The following UGT2A1 variants were observed in gnomAD, a reference collection of about 807,000 sequenced individuals.
UGT2A1 encodes UDP glucuronosyltransferase family 2 member A1 complex locus.
Under a neutral mutation model 45.4 loss-of-function variants are expected in UGT2A1, and 61 were observed. The ratio of observed to expected loss-of-function variants is 1.34; its 90% CI spans 1.09 to 1.66. The LOEUF is 1.66. Ranked by LOEUF, UGT2A1 falls within the 40% of genes most tolerant of loss-of-function variation. UGT2A1 has a pLI of 0.00. For synonymous variants in UGT2A1, 229 were observed against 196.2 expected, an observed-to-expected ratio of 1.17 and a Z score of -1.40; for missense variants, 649 against 574.3, an observed-to-expected ratio of 1.13 and a Z score of -1.33.
At chr4:69,632,211 G>A (rs904385416) in intron 3 of UGT2A1, among the ~76,000 whole-genome samples, 4 of 152,090 alleles carry the variant, frequency 2.6e-5, no homozygotes, top group African/African-American at 9.7e-5. Flanking sequence ...AAATATAACA[G>A]AAATTACAAA....
chr4:69,611,185 A>T (rs370883476), intron 3 of UGT2A1, among the ~76,000 whole-genome samples: 1 of 151,486 alleles, frequency 6.6e-6, no homozygotes, highest in African/African-American at 2.4e-5. Flanking sequence ...TTGCTCTGTC[A>T]CTCAAGCTGG....
intron 3 of UGT2A1, among the ~76,000 whole-genome samples, chr4:69,633,209 T>C (rs1025342279): frequency 6.6e-6 from 1 of 152,068 alleles, no homozygotes; most frequent in African/African-American, 2.4e-5. Flanking sequence ...ATGAAAGAAA[T>C]CATACTGTAC....
rs76144274 is a variant in UGT2A1 at position 69,612,498 on chromosome 4, G to T, written c.848-13104C>A. 1.2e-4 allele frequency among the ~76,000 whole-genome samples: 18 copies of T among 151,856 alleles called. No individual in the cohort carries two copies. In the East Asian group the frequency reaches 3.5e-3, roughly 29 times the overall value. On this transcript the variant is annotated intron_variant, in intron 3 of 6. Coordinates refer to ENST00000286604, the MANE Select transcript of UGT2A1 (RefSeq NM_001252275.3). ...CCCAACTTCAAACTATAAGACTACA[G>T]TAATTTAAAAAGCATGGTACCAGTT...
chr4:69,650,291 G>A (rs1025402247), intron 1 of UGT2A1, among the ~76,000 whole-genome samples: 4 of 152,116 alleles, frequency 2.6e-5, no homozygotes, highest in African/African-American at 4.8e-5. Flanking sequence ...CTAGGTAGAA[G>A]AGGAATCCAG....
chr4:69,622,217 G>C (rs1553906209), intron 3 of UGT2A1, among the ~76,000 whole-genome samples: 1 of 151,354 alleles, frequency 6.6e-6, no homozygotes, highest in African/African-American at 2.4e-5. Context: ...AAGAGAAATT[G>C]AAAGAAAAAA....
At chr4:69,604,925 T>C (rs1719515720) in intron 3 of UGT2A1, among the ~76,000 whole-genome samples, 1 of 136,134 alleles carries the variant, frequency 7.3e-6, no homozygotes, top group African/African-American at 3.0e-5. Flanking sequence ...ATAAAGCAAG[T>C]CCTTAGAGAC....
In UGT2A1 at chr4:69,647,355, T is replaced by A; in HGVS notation, c.290A>T (p.Asn97Ile). 6.2e-7 allele frequency: 1 copy of A among 1,613,304 alleles called. No individual in the cohort carries two copies. Among genetic ancestry groups the A allele is most frequent in the Non-Finnish European group, 8.5e-7 (1 of 1,179,516 alleles). The change falls in exon 2 of 7, where the codon AAT becomes ATT. Residue 97 changes from asparagine to isoleucine, a missense_variant. Coordinates refer to ENST00000286604, the MANE Select transcript of UGT2A1 (RefSeq NM_001252275.3). Reference protein sequence around the residue: ...IKDFVLTWLENRPSPSTIWRF... With the variant: ...IKDFVLTWLEIRPSPSTIWRF... ...CCAAATGGTTGAAGGAGATGGTCTA[T>A]TTTCCAGCCATGTCAAAACGAAGTC...
At chr4:69,650,651 A>G (rs1350438646) in intron 1 of UGT2A1, among the ~76,000 whole-genome samples, 2 of 152,128 alleles carry the variant, frequency 1.3e-5, no homozygotes, top group East Asian at 3.8e-4. Flanking sequence ...AGAAAACTAT[A>G]TATTTAAATA....
intron 3 of UGT2A1, among the ~76,000 whole-genome samples, chr4:69,613,646 C>A (rs1383735043): frequency 6.6e-6 from 1 of 151,914 alleles, no homozygotes; most frequent in Non-Finnish European, 1.5e-5. Flanking sequence ...TGTGATTTAT[C>A]TCATGGATGC....
At chr4:69,647,720 G>C (rs1288552772) in intron 1 of UGT2A1, 22 bp from the exon 2 acceptor site, 2 of 1,096,526 alleles carry the variant, frequency 1.8e-6, no homozygotes, top group Non-Finnish European at 1.3e-6. Flanking sequence ...AAAAAGGAAA[G>C]ACAAAATTAT....
Position 69,596,489 on chromosome 4 carries a change from T to A in UGT2A1, c.997-1240A>T. 5 of 1,324,158 alleles carry A rather than the reference T, an allele frequency of 3.8e-6. No individual in the cohort carries two copies. The South Asian group carries it at 8.6e-5, about 23-fold the overall frequency. The allele number at this position is 1,324,158 out of a possible 1,614,324, so 82.0% of individuals were successfully genotyped here. On this transcript the variant is annotated intron_variant, in intron 4 of 6. Coordinates refer to ENST00000286604, the MANE Select transcript of UGT2A1 (RefSeq NM_001252275.3). ...ATTAAGATATATGTCAGAGAAACTG[T>A]TGAACTGTCTGTCTTCTGACATGTA...
intron 3 of UGT2A1, among the ~76,000 whole-genome samples, chr4:69,634,221 A>G (rs964850510): frequency 1.3e-4 from 20 of 151,704 alleles, no homozygotes; most frequent in Non-Finnish European, 2.1e-4. Flanking sequence ...CTCCAGCCTG[A>G]GCGACAGAGC....
intron 1 of UGT2A1, among the ~76,000 whole-genome samples, chr4:69,650,633 C>T (rs1722476402): frequency 1.3e-5 from 2 of 151,144 alleles, no homozygotes; most frequent in Admixed American, 1.3e-4. Context: ...TAATACATAC[C>T]ACATATAAGA....
intron 3 of UGT2A1, among the ~76,000 whole-genome samples, chr4:69,627,949 C>T (rs10005934): frequency 0.35 from 53,178 of 151,592 alleles, 9,677 homozygotes; most frequent in African/African-American, 0.43. Flanking sequence ...TACGAATATT[C>T]ACTTCCATTC....
intron 3 of UGT2A1, among the ~76,000 whole-genome samples, chr4:69,618,218 T>C (rs1422443715): frequency 3.4e-5 from 3 of 88,806 alleles, no homozygotes; most frequent in Non-Finnish European, 7.5e-5. Context: ...TGTGTGTGTA[T>C]GTTTGTGTGT....
intron 3 of UGT2A1, among the ~76,000 whole-genome samples, chr4:69,612,307 C>G (rs866444099): frequency 6.6e-6 from 1 of 151,948 alleles, no homozygotes; most frequent in Non-Finnish European, 1.5e-5. Flanking sequence ...AAATCAGTAT[C>G]GTTAAAATGG....
intron 3 of UGT2A1, among the ~76,000 whole-genome samples, chr4:69,623,972 T>A (rs892502602): frequency 6.6e-6 from 1 of 151,670 alleles, no homozygotes; most frequent in Non-Finnish European, 1.5e-5. Context: ...TTGTGAAATG[T>A]AACAAAAACA....
intron 3 of UGT2A1, among the ~76,000 whole-genome samples, chr4:69,627,518 A>G (rs1013236296): frequency 2.8e-5 from 4 of 145,346 alleles, no homozygotes; most frequent in Non-Finnish European, 4.6e-5. Flanking sequence ...GAAAAGAAAG[A>G]AAGAAGAAAG....
intron 1 of UGT2A1, 118 bp from the exon 2 acceptor site, chr4:69,647,816 G>T (rs987988906): frequency 1.6e-4 from 74 of 462,782 alleles, no homozygotes; most frequent in African/African-American, 1.4e-3. Flanking sequence ...CATATTTTAG[G>T]ATATTTACAG....
Sources: gnomAD v4.1 joint callset for allele counts (sites outside exome capture counted in the v4.1 genomes callset) on GRCh38, gnomAD v4.1.1 for gene constraint, MANE v1.5 for transcripts, NCBI Gene and HGNC (gene_info 2026-07-23, HGNC 2026-07-21) for gene names.